Variants in LHX8 observed in about 807,000 individuals in gnomAD.
LHX8 encodes LIM homeobox 8.
Under a neutral mutation model 40.3 loss-of-function variants are expected in LHX8, and 12 were observed. That is an observed-to-expected ratio of 0.30 (90% CI 0.19 to 0.48). LHX8 has a LOEUF of 0.48. LHX8 is among the 20% of genes least tolerant of loss of function. The pLI, the probability that LHX8 is intolerant of heterozygous loss-of-function variation, is 0.99. For synonymous variants in LHX8, 179 were observed against 162.0 expected (o/e 1.10, Z -0.80); for missense variants, 344 against 433.7 (o/e 0.79, Z 1.84).
chr1:75,173,901 C>T, the LHX8 span, among the ~76,000 whole-genome samples: 1 of 152,052 alleles, frequency 6.6e-6, no homozygotes, highest in Non-Finnish European at 1.5e-5. Context: ...GTTTGAGCAT[C>T]TCAAATCTGA....
intron 3 of LHX8, among the ~76,000 whole-genome samples, chr1:75,138,889 T>C (rs1294550902): frequency 6.6e-6 from 1 of 152,168 alleles, no homozygotes; most frequent in African/African-American, 2.4e-5. Context: ...AATGAAGCCT[T>C]CCATGTACAG....
At chr1:75,194,851 A>G in the LHX8 span, among the ~76,000 whole-genome samples, 1 of 152,170 alleles carries the variant, frequency 6.6e-6, no homozygotes, top group African/African-American at 2.4e-5. Flanking sequence ...GAGAAATTAC[A>G]TTGTTAGAAA....
the LHX8 span, among the ~76,000 whole-genome samples, chr1:75,195,149 G>A: frequency 6.6e-6 from 1 of 152,114 alleles, no homozygotes; most frequent in Non-Finnish European, 1.5e-5. Flanking sequence ...TCTGCAATGT[G>A]TCAGGTACTG....
At chr1:75,182,509 G>A in the LHX8 span, among the ~76,000 whole-genome samples, 1 of 151,954 alleles carries the variant, frequency 6.6e-6, no homozygotes, top group East Asian at 1.9e-4. Context: ...AAGTAGTTGG[G>A]ATTACAGGCA....
chr1:75,135,033 C>A (rs1490095313), intron 1 of LHX8, 79 bp downstream of exon 1: 1 of 622,866 alleles, frequency 1.6e-6, no homozygotes, highest in Non-Finnish European at 2.0e-6. Flanking sequence ...GGGCGGCTGT[C>A]GGGTGGAACC....
downstream of LHX8, among the ~76,000 whole-genome samples, chr1:75,166,502 G>A (rs1019024673): frequency 3.9e-5 from 6 of 152,112 alleles, no homozygotes; most frequent in Non-Finnish European, 7.4e-5. Context: ...TTTACTTCCC[G>A]GAACCAGGGT....
intron 7 of LHX8, among the ~76,000 whole-genome samples, chr1:75,153,245 A>G (rs1369290785): frequency 6.6e-6 from 1 of 152,112 alleles, no homozygotes; most frequent in Non-Finnish European, 1.5e-5. Context: ...AGCTGGGACT[A>G]CAGGTGCGTG....
chr1:75,137,117 G>C lies in LHX8; in HGVS notation c.93G>C (p.Ala31=), dbSNP rs779360031. ...TCCTGCAGGTGAGCCCCGAGGGAGCGGGGGACGAGGACTCGTGCTCCTCCT... is the reference window on the plus strand; with the variant it reads ...TCCTGCAGGTGAGCCCCGAGGGAGCCGGGGACGAGGACTCGTGCTCCTCCT... ...GEEGLVSPEG[A]GDEDSCSSSA... The change falls in exon 3 of 9, where the codon GCG becomes GCC. Residue 31 remains alanine, a synonymous_variant. Coordinates refer to ENST00000356261, the MANE Select transcript of LHX8 (RefSeq NM_001256114.2). The C allele has an allele frequency of 5.6e-6, 9 of 1,606,532 alleles. 1 individual carries two copies. In the East Asian group the frequency reaches 1.1e-4, roughly 20 times the overall value.
chr1:75,184,127 CCAAGTTCTTAGAGACT>C, the LHX8 span, among the ~76,000 whole-genome samples: 5 of 152,106 alleles, frequency 3.3e-5, no homozygotes, highest in African/African-American at 1.2e-4. Context: ...GATTCATAAA[CCAAGTTCTTAGAGACT>C]CACGAAGATA....
At chr1:75,146,519 C>T (rs1648463117) in intron 6 of LHX8, among the ~76,000 whole-genome samples, 1 of 152,080 alleles carries the variant, frequency 6.6e-6, no homozygotes, top group Non-Finnish European at 1.5e-5. Context: ...GTTTTCAGAT[C>T]GAGTTACTGC....
chr1:75,190,418 C>T, the LHX8 span, among the ~76,000 whole-genome samples: 4 of 152,162 alleles, frequency 2.6e-5, no homozygotes, highest in South Asian at 2.1e-4. Context: ...CATGTTCATA[C>T]GTTGATTACT....
chr1:75,172,823 T>C, the LHX8 span, among the ~76,000 whole-genome samples: 3 of 152,144 alleles, frequency 2.0e-5, no homozygotes, highest in Non-Finnish European at 4.4e-5. Flanking sequence ...ATAATCGTGT[T>C]TGGGCCCCCT....
intron 8 of LHX8, chr1:75,160,593 G>C (rs1648891074): frequency 1.8e-6 from 1 of 556,288 alleles, no homozygotes; most frequent in Non-Finnish European, 3.2e-6. Flanking sequence ...CATTAAAATG[G>C]CAAAATCTTG....
chr1:75,169,678 C>G, the LHX8 span, among the ~76,000 whole-genome samples: 1 of 152,186 alleles, frequency 6.6e-6, no homozygotes, highest in Non-Finnish European at 1.5e-5. Context: ...TGAGCCATCC[C>G]AATGAACTGT....
At chr1:75,155,965 T>C (rs922764508) in intron 7 of LHX8, among the ~76,000 whole-genome samples, 2 of 151,686 alleles carry the variant, frequency 1.3e-5, no homozygotes, top group Non-Finnish European at 2.9e-5. Flanking sequence ...TTGAAATAAG[T>C]CCAGCAGGTG....
upstream of LHX8, chr1:75,132,788 C>G (rs1001578993): frequency 2.7e-5 from 4 of 149,200 alleles, no homozygotes; most frequent in African/African-American, 5.2e-5. Flanking sequence ...CACACACACA[C>G]TGTAATTAAA....
Position 75,143,852 on chromosome 1 carries a change from G to A in LHX8, c.588G>A (p.Gly196=). ...NLKREVENGN[G]ISVEGALLTE... ...TGTGTTTTTTAAATGCAGGGAATGG[G>A]ATTAGTGTGGAAGGTGCCCTCCTCA... The change falls in exon 6 of 9, where the codon GGG becomes GGA. Residue 196 remains glycine, a synonymous_variant. Coordinates refer to ENST00000356261, the MANE Select transcript of LHX8 (RefSeq NM_001256114.2). The A allele has an allele frequency of 6.2e-7, 1 of 1,612,396 alleles. No homozygotes were observed. The highest frequency in any genetic ancestry group is 1.1e-5 in the South Asian group (1 of 91,044).
chr1:75,199,003 G>A, the LHX8 span, among the ~76,000 whole-genome samples: 5 of 152,152 alleles, frequency 3.3e-5, no homozygotes, highest in African/African-American at 1.2e-4. Context: ...AATCATATTG[G>A]GACATCATTC....
At chr1:75,196,595 T>C in the LHX8 span, among the ~76,000 whole-genome samples, 20 of 152,272 alleles carry the variant, frequency 1.3e-4, no homozygotes, top group South Asian at 3.3e-3. Context: ...GCTCAGTGGT[T>C]TAGGGATATA....
Sources: allele counts gnomAD v4.1 joint callset (sites outside exome capture counted in the v4.1 genomes callset), GRCh38; gene constraint gnomAD v4.1.1; transcripts MANE v1.5; gene names NCBI Gene and HGNC (gene_info 2026-07-23, HGNC 2026-07-21).